Variants in SFXN1 observed in about 807,000 individuals in gnomAD.
The protein encoded by SFXN1 is sideroflexin 1.
Under a neutral mutation model 39.5 loss-of-function variants are expected in SFXN1, and 32 were observed. That is an observed-to-expected ratio of 0.81 (90% confidence interval 0.61 to 1.09). The LOEUF is 1.09. Among genes scored for constraint, SFXN1 ranks in the 50% least tolerant of loss-of-function variants. The pLI, the probability that SFXN1 is intolerant of heterozygous loss-of-function variation, is 0.00. For missense variants in SFXN1, 402 were observed against 407.1 expected (o/e 0.99, Z 0.11); for synonymous variants, 136 against 146.5 (o/e 0.93, Z 0.52).
At chr5:175,512,220 TA>T in intron 6 of SFXN1, 24 bp downstream of exon 6, 1 of 1,594,206 alleles carries the variant, frequency 6.3e-7, no homozygotes, top group Non-Finnish European at 8.6e-7. Flanking sequence ...GCACTCTTAG[TA>T]GGGACATGTG....
intron 8 of SFXN1, among the ~76,000 whole-genome samples, chr5:175,520,299 T>A (rs949119054): frequency 9.2e-5 from 14 of 152,206 alleles, no homozygotes; most frequent in African/African-American, 3.4e-4. Context: ...TCATCTAAAC[T>A]TGCTCTGTTT....
intron 8 of SFXN1, among the ~76,000 whole-genome samples, chr5:175,521,271 G>A (rs1760871013): frequency 6.8e-6 from 1 of 146,944 alleles, no homozygotes; most frequent in African/African-American, 2.5e-5. Flanking sequence ...AAAAAAGTGT[G>A]ACTAGCAAAA....
intron 1 of SFXN1, among the ~76,000 whole-genome samples, chr5:175,485,919 C>T (rs1388077736): frequency 6.6e-6 from 1 of 152,198 alleles, no homozygotes; most frequent in Non-Finnish European, 1.5e-5. Context: ...GTCTGAATCA[C>T]ACTATTGTCG....
At chr5:175,487,738 T>C (rs1270157047) in intron 1 of SFXN1, among the ~76,000 whole-genome samples, 7 of 152,226 alleles carry the variant, frequency 4.6e-5, no homozygotes, top group Non-Finnish European at 8.8e-5. Flanking sequence ...CTACTTACTC[T>C]GCTGCCCGCT....
At position 175,510,441 on chromosome 5, in the gene SFXN1, C is replaced by G. The variant is rs935612625; in HGVS notation, c.434+234C>G. On this transcript the variant is annotated intron_variant, in intron 4 of 10. Transcript: ENST00000321442. ...CTGCCTTCTCAGACATTACTCGTGC[C>G]TTTGGAGGTACTGGTAGGATGTTAC... is the stretch of plus-strand genomic sequence containing the variant. The G allele has an allele frequency of 7.2e-5, 34 of 471,540 alleles. No individual in the cohort carries two copies. In the Admixed American group the frequency reaches 1.1e-3, roughly 16 times the overall value. 29.2% of individuals were successfully genotyped at this position (471,540 alleles called of 1,614,324 possible).
chr5:175,511,983 A>G (rs1760534739), intron 5 of SFXN1, 128 bp from the exon 6 acceptor site: 1 of 824,194 alleles, frequency 1.2e-6, no homozygotes. Flanking sequence ...TTTTGAAAGC[A>G]TTCTTGGCCT....
At chr5:175,525,313 C>T (rs1761023939) in intron 10 of SFXN1, among the ~76,000 whole-genome samples, 1 of 152,174 alleles carries the variant, frequency 6.6e-6, no homozygotes, top group African/African-American at 2.4e-5. Flanking sequence ...GGTTTCCTTA[C>T]CTGTACAATT....
intron 10 of SFXN1, chr5:175,524,014 G>GA (rs1165271986): frequency 6.8e-6 from 1 of 148,078 alleles, no homozygotes; most frequent in African/African-American, 2.5e-5. Context: ...TGAGGCAGGA[G>GA]AATCGCTCGA....
intron 10 of SFXN1, chr5:175,526,108 GAT>G (rs1761048630): frequency 6.6e-6 from 1 of 150,452 alleles, no homozygotes; most frequent in Non-Finnish European, 1.5e-5. Flanking sequence ...CTCTCAGCGG[GAT>G]TATAAATGTT....
chr5:175,478,728 C>G (rs954758271), intron 1 of SFXN1, 89 bp downstream of exon 1: 3 of 151,856 alleles, frequency 2.0e-5, no homozygotes, highest in Non-Finnish European at 4.4e-5. Context: ...AGGCTCGGGC[C>G]GTGCACCCGC....
intron 1 of SFXN1, among the ~76,000 whole-genome samples, chr5:175,489,357 C>T (rs1380408549): frequency 6.6e-6 from 1 of 152,160 alleles, no homozygotes; most frequent in Non-Finnish European, 1.5e-5. Context: ...AAATGTGGCT[C>T]ATGGACAGGA....
rs1554101398 is a variant in SFXN1 at position 175,507,976 on chromosome 5, A to AATAAAAAT, written c.165-1055_165-1054insTAAAAATA. ...TGACAGAGTGAGACCCTGTCTTTAA[A>AATAAAAAT]AAAAAAAAAAAAAAAATTCTTCCTG... On this transcript the variant is annotated intron_variant, in intron 2 of 10. Coordinates refer to ENST00000321442, the MANE Select transcript of SFXN1 (RefSeq NM_022754.7). 6.1e-3 allele frequency among the ~76,000 whole-genome samples: 644 copies of AATAAAAAT among 106,304 alleles called. 1 individual carries two copies. Among genetic ancestry groups the AATAAAAAT allele is most frequent in the South Asian group, 0.017 (37 of 2,182 alleles). 69.7% of individuals were successfully genotyped at this position (106,304 alleles called of 152,430 possible). A position where few individuals can be genotyped will look rare whatever the true frequency, so the allele number is the denominator to read the frequency against.
intron 6 of SFXN1, among the ~76,000 whole-genome samples, chr5:175,512,995 A>C (rs922235452): frequency 6.6e-6 from 1 of 152,182 alleles, no homozygotes; most frequent in African/African-American, 2.4e-5. Flanking sequence ...AAACTTATCC[A>C]TGGTATTTAA....
At chr5:175,522,711 A>G in intron 10 of SFXN1, 1 of 333,000 alleles carries the variant, frequency 3.0e-6, no homozygotes, top group Non-Finnish European at 5.5e-6. Flanking sequence ...AAAATTTAAA[A>G]TATGGTCCAA....
At chr5:175,497,889 C>A (rs1207560517) in intron 2 of SFXN1, among the ~76,000 whole-genome samples, 1 of 149,162 alleles carries the variant, frequency 6.7e-6, no homozygotes, top group African/African-American at 2.5e-5. Flanking sequence ...GAGATTGCGC[C>A]ACTGCACTCC....
At chr5:175,505,753 G>T (rs1043604900) in intron 2 of SFXN1, among the ~76,000 whole-genome samples, 4 of 152,096 alleles carry the variant, frequency 2.6e-5, no homozygotes, top group African/African-American at 9.7e-5. Flanking sequence ...AGAAATCAAG[G>T]CTGGTATTCA....
chr5:175,516,495 A>T, intron 7 of SFXN1, 119 bp from the exon 8 acceptor site: 1 of 784,990 alleles, frequency 1.3e-6, no homozygotes, highest in Non-Finnish European at 2.1e-6. Context: ...AACTGTTTTT[A>T]CTGTGACAGT....
intron 2 of SFXN1, among the ~76,000 whole-genome samples, chr5:175,499,761 C>T (rs578243704): frequency 1.3e-5 from 2 of 152,294 alleles, no homozygotes; most frequent in South Asian, 2.1e-4. Flanking sequence ...GTTAACTTTT[C>T]TTCAGCATTG....
intron 2 of SFXN1, among the ~76,000 whole-genome samples, chr5:175,504,292 C>T (rs1307450337): frequency 1.3e-5 from 2 of 151,466 alleles, no homozygotes; most frequent in Non-Finnish European, 2.9e-5. Context: ...TGAGAATACT[C>T]GGCCAGGCGA....
Sources: allele counts gnomAD v4.1 joint callset (sites outside exome capture counted in the v4.1 genomes callset), GRCh38; gene constraint gnomAD v4.1.1; transcripts MANE v1.5; gene names NCBI Gene and HGNC (gene_info 2026-07-23, HGNC 2026-07-21).